ZDHHC3: variants seen among roughly 807,000 people sequenced by gnomAD.
ZDHHC3 encodes zDHHC palmitoyltransferase 3.
In ZDHHC3, 9 loss-of-function variants were observed where a neutral mutation model predicts 30.6. The ratio of observed to expected loss-of-function variants is 0.29; its 90% CI spans 0.18 to 0.51. The LOEUF (loss-of-function observed/expected upper bound fraction) is 0.51. ZDHHC3 is among the 20% of genes least tolerant of loss of function. The pLI is 0.97. For synonymous variants in ZDHHC3, 136 were observed against 140.2 expected, an observed-to-expected ratio of 0.97 and a Z score of 0.21; for missense variants, 246 against 384.2, an observed-to-expected ratio of 0.64 and a Z score of 3.01.
Position 44,923,594 on chromosome 3 carries a change from G to A in ZDHHC3, c.*3095C>T, listed in dbSNP as rs898635069. ...AGGCAGGAAAATTGCTGGAGGCCGG[G>A]CATTTGAGACTAGCTAGGGCAACAC... On this transcript the variant is annotated 3_prime_UTR_variant, in exon 7 of 7. Coordinates refer to ENST00000424952, the MANE Select transcript of ZDHHC3 (RefSeq NM_001135179.2). 11 of 964,456 alleles carry A rather than the reference G, an allele frequency of 1.1e-5. No individual in the cohort carries two copies. The African/African-American group carries it at 1.4e-4, about 12-fold the overall frequency. The allele number at this position is 964,456 out of a possible 1,614,324, so 59.7% of individuals were successfully genotyped here. A position where few individuals can be genotyped will look rare whatever the true frequency, so the allele number is the denominator to read the frequency against.
chr3:44,958,650 G>C (rs1400184855), intron 2 of ZDHHC3: 1 of 1,536,072 alleles, frequency 6.5e-7, no homozygotes, highest in Non-Finnish European at 8.7e-7. Flanking sequence ...GATGCACCTC[G>C]CCCAAGCAAA....
chr3:44,965,700 C>A (rs901646525), intron 1 of ZDHHC3, among the ~76,000 whole-genome samples: 5 of 152,192 alleles, frequency 3.3e-5, no homozygotes, highest in African/African-American at 4.8e-5. Context: ...ACATAAAGTT[C>A]TCTACTGAAT....
intron 6 of ZDHHC3, among the ~76,000 whole-genome samples, chr3:44,927,509 A>G (rs889596785): frequency 2.0e-5 from 3 of 152,090 alleles, no homozygotes; most frequent in Non-Finnish European, 4.4e-5. Flanking sequence ...CCAGAGGAGG[A>G]AGGAGGAGGG....
chr3:44,933,736 T>G, intron 4 of ZDHHC3, 152 bp downstream of exon 4: 2 of 763,690 alleles, frequency 2.6e-6, no homozygotes, highest in Admixed American at 1.9e-5. Flanking sequence ...CAGGCACTTG[T>G]TGAGCCAGAG....
chr3:44,962,717 T>C (rs979186922), intron 1 of ZDHHC3, among the ~76,000 whole-genome samples: 2 of 152,234 alleles, frequency 1.3e-5, no homozygotes, highest in African/African-American at 2.4e-5. Context: ...TCAACTGGCT[T>C]GCTCAGACTG....
At chr3:44,974,095 G>A (rs1057448539) in intron 1 of ZDHHC3, among the ~76,000 whole-genome samples, 9 of 152,164 alleles carry the variant, frequency 5.9e-5, no homozygotes, top group Non-Finnish European at 1.3e-4. Flanking sequence ...CATTTAAGCC[G>A]AATGATTAGT....
chr3:44,975,766 T>A (rs1166517484), intron 1 of ZDHHC3, among the ~76,000 whole-genome samples, 167 bp downstream of exon 1: 2,540 of 144,168 alleles, frequency 0.018, 37 homozygotes, highest in Middle Eastern at 0.071. Context: ...TCTCTCTCTC[T>A]CTCTCTCACA....
chr3:44,958,049 A>G (rs1420756675), intron 2 of ZDHHC3, among the ~76,000 whole-genome samples: 1 of 152,168 alleles, frequency 6.6e-6, no homozygotes, highest in Non-Finnish European at 1.5e-5. Flanking sequence ...ACCCATATAC[A>G]TGGCTTCCCT....
rs1268523752 is a variant in ZDHHC3 at position 44,924,954 on chromosome 3, T to C, written c.*1735A>G. 5.1e-6 allele frequency: 5 copies of C among 985,372 alleles called. No individual in the cohort carries two copies. The highest frequency in any genetic ancestry group is 3.5e-5 in the African/African-American group (2 of 57,202). 61.0% of individuals were successfully genotyped at this position (985,372 alleles called of 1,614,324 possible). On this transcript the variant is annotated 3_prime_UTR_variant, in exon 7 of 7. Coordinates refer to ENST00000424952, the MANE Select transcript of ZDHHC3 (RefSeq NM_001135179.2). ...AGGAGAGCCCATCAGCACAAAGGAA[T>C]TGATTCAGGCTGCAGAAAGCAAAGG...
At chr3:44,955,953 A>C (rs190269947) in intron 2 of ZDHHC3, among the ~76,000 whole-genome samples, 24 of 152,312 alleles carry the variant, frequency 1.6e-4, no homozygotes, top group Admixed American at 1.2e-3. Context: ...TTTTGGGGCC[A>C]GTTATCTTTG....
intron 6 of ZDHHC3, 28 bp downstream of exon 6, chr3:44,929,278 G>C (rs779480871): frequency 6.2e-7 from 1 of 1,611,676 alleles, no homozygotes; most frequent in East Asian, 2.2e-5. Flanking sequence ...CCCAGGTGTG[G>C]AAATGGTGGG....
rs1375703658 is a variant in ZDHHC3, at chr3:44,923,749, GCT to G, written c.*2938_*2939del. ...GCCCAGGAGTTCAAGGCTGCAGTGA[GCT>G]CTAATTGTGCCACTGCATTCCAGCC... On this transcript the variant is annotated 3_prime_UTR_variant, in exon 7 of 7. Transcript: ENST00000424952. 1 of 931,872 alleles carries G rather than the reference GCT, an allele frequency of 1.1e-6. No individual in the cohort carries two copies. Among genetic ancestry groups the G allele is most frequent in the Non-Finnish European group, 1.3e-6 (1 of 781,418 alleles). 57.7% of individuals were successfully genotyped at this position (931,872 alleles called of 1,614,324 possible).
intron 1 of ZDHHC3, among the ~76,000 whole-genome samples, chr3:44,965,311 C>T (rs1704843871): frequency 6.6e-6 from 1 of 151,550 alleles, no homozygotes. Flanking sequence ...CTGACAGACA[C>T]AAATATACTT....
Position 44,918,243 on chromosome 3 carries a change from G to T in ZDHHC3, c.*8446C>A, listed in dbSNP as rs913546482. Reference sequence around the variant, plus strand: ...ATAGCATAGCAGTGGCGGGGGGGGGGGCGGGGTGTCCACGGCATGGGTAAG... The same window carrying T: ...ATAGCATAGCAGTGGCGGGGGGGGGTGCGGGGTGTCCACGGCATGGGTAAG... On this transcript the variant is annotated 3_prime_UTR_variant, in exon 7 of 7. Transcript: ENST00000424952. 3.4e-6 allele frequency: 4 copies of T among 1,161,948 alleles called. No individual in the cohort carries two copies. In the African/African-American group the frequency reaches 5.1e-5, roughly 15 times the overall value. 72.0% of individuals were successfully genotyped at this position (1,161,948 alleles called of 1,614,324 possible).
intron 1 of ZDHHC3, among the ~76,000 whole-genome samples, chr3:44,965,480 A>G (rs147994887): frequency 6.6e-6 from 1 of 152,282 alleles, no homozygotes; most frequent in Non-Finnish European, 1.5e-5. Flanking sequence ...CTCAGGCCCC[A>G]TCCCACTGTG....
At position 44,925,027 on chromosome 3, in the gene ZDHHC3, C is replaced by A; in HGVS notation, c.*1662G>T. 8 of 985,528 alleles carry A rather than the reference C, an allele frequency of 8.1e-6. No individual in the cohort carries two copies. Among genetic ancestry groups the A allele is most frequent in the Non-Finnish European group, 9.6e-6 (8 of 829,900 alleles). The allele number at this position is 985,528 out of a possible 1,614,324, so 61.0% of individuals were successfully genotyped here. Reference sequence around the variant, plus strand: ...TGGTTCAAGAGAGGGACCATAAATGCATTTTAAAACAAAAAAAATAAAGTA... The same window carrying A: ...TGGTTCAAGAGAGGGACCATAAATGAATTTTAAAACAAAAAAAATAAAGTA... On this transcript the variant is annotated 3_prime_UTR_variant, in exon 7 of 7. Coordinates refer to ENST00000424952, the MANE Select transcript of ZDHHC3 (RefSeq NM_001135179.2).
chr3:44,942,950 G>T (rs1180707460), intron 3 of ZDHHC3, among the ~76,000 whole-genome samples: 2 of 152,170 alleles, frequency 1.3e-5, no homozygotes, highest in Non-Finnish European at 2.9e-5. Context: ...GTGATGGTTA[G>T]AAAACAGCTG....
chr3:44,931,741 G>A (rs1358275158), intron 5 of ZDHHC3, among the ~76,000 whole-genome samples: 1 of 152,178 alleles, frequency 6.6e-6, no homozygotes, highest in African/African-American at 2.4e-5. Context: ...GAGTCAACCA[G>A]ACAGGGCTAA....
In ZDHHC3 at chr3:44,920,500, G is replaced by C. The variant is rs1294704559; in HGVS notation, c.*6189C>G. On this transcript the variant is annotated 3_prime_UTR_variant, in exon 7 of 7. Transcript: ENST00000424952. Reference sequence around the variant, plus strand: ...GGTTTTTATGGCCTCCTTGTGAGGAGGTGGGTATGAGTATTGATGATTGGC... The same window carrying C: ...GGTTTTTATGGCCTCCTTGTGAGGACGTGGGTATGAGTATTGATGATTGGC... The C allele has an allele frequency of 1.0e-6, 1 of 985,318 alleles. No individual in the cohort carries two copies. Among genetic ancestry groups the C allele is most frequent in the South Asian group, 4.7e-5 (1 of 21,292 alleles). 61.0% of individuals were successfully genotyped at this position (985,318 alleles called of 1,614,324 possible).
Sources: allele counts gnomAD v4.1 joint callset (sites outside exome capture counted in the v4.1 genomes callset), GRCh38; gene constraint gnomAD v4.1.1; transcripts MANE v1.5; gene names NCBI Gene and HGNC (gene_info 2026-07-23, HGNC 2026-07-21).